Variants in ZNF804B observed in about 807,000 individuals in gnomAD.
The protein encoded by ZNF804B is zinc finger protein 804B, also known as zinc finger 804B.
ZNF804B carries 80 observed loss-of-function variants against 101.4 expected under a neutral mutation model. That is an observed-to-expected ratio of 0.79 (90% CI 0.66 to 0.95). The LOEUF (loss-of-function observed/expected upper bound fraction) is 0.95, where lower values mean the gene tolerates loss of function less well. ZNF804B is among the 40% of genes least tolerant of loss of function. The probability of loss-of-function intolerance (pLI) is 0.00; values close to 1 mark genes in which losing one functional copy is unlikely to be tolerated. For synonymous variants in ZNF804B, 622 were observed against 558.8 expected, an observed-to-expected ratio of 1.11 and a Z score of -1.59; for missense variants, 1,673 against 1,561.9, an observed-to-expected ratio of 1.07 and a Z score of -1.20.
chr7:89,076,099 G>A (rs1413344808), intron 1 of ZNF804B, among the ~76,000 whole-genome samples: 5 of 152,170 alleles, frequency 3.3e-5, no homozygotes, highest in Non-Finnish European at 5.9e-5. Context: ...TATGATGTTG[G>A]ACTGTGGACT....
intron 1 of ZNF804B, among the ~76,000 whole-genome samples, chr7:89,088,422 C>T (rs1320986298): frequency 6.6e-6 from 1 of 151,554 alleles, no homozygotes; most frequent in Non-Finnish European, 1.5e-5. Context: ...CAAGTTATTG[C>T]TTATTTGTGA....
At chr7:89,022,285 T>C (rs1788679294) in intron 1 of ZNF804B, among the ~76,000 whole-genome samples, 1 of 152,212 alleles carries the variant, frequency 6.6e-6, no homozygotes, top group African/African-American at 2.4e-5. Context: ...ATGGGGAGGA[T>C]GAGTGTCATG....
At chr7:88,797,173 T>C (rs1790499096) in intron 1 of ZNF804B, among the ~76,000 whole-genome samples, 2 of 152,132 alleles carry the variant, frequency 1.3e-5, no homozygotes, top group South Asian at 4.1e-4. Context: ...TATTATTTGT[T>C]CATGTTTCAT....
At chr7:89,227,639 A>G (rs1789115694) in intron 2 of ZNF804B, among the ~76,000 whole-genome samples, 1 of 152,212 alleles carries the variant, frequency 6.6e-6, no homozygotes, top group Admixed American at 6.5e-5. Flanking sequence ...AAAGACCTTA[A>G]TTAAACAGCA....
Position 88,902,139 on chromosome 7 carries a change from A to G in ZNF804B, c.108+142055A>G, listed in dbSNP as rs75505266. The stretch of plus-strand genomic sequence containing the variant: ...TTCTCTTTAGTTTGGGGGACTCACA[A>G]AGACTTTCTTGACTAAGCCACATAC... On this transcript the variant is annotated intron_variant, in intron 1 of 3. Coordinates refer to ENST00000333190, the MANE Select transcript of ZNF804B (RefSeq NM_181646.5). Among the ~76,000 whole-genome samples, 22 of 152,096 alleles carry G rather than the reference A, an allele frequency of 1.4e-4. No homozygotes were observed. In the East Asian group the frequency reaches 4.1e-3, roughly 28 times the overall value.
At chr7:88,976,605 G>A (rs191770907) in intron 1 of ZNF804B, among the ~76,000 whole-genome samples, 1 of 151,592 alleles carries the variant, frequency 6.6e-6, no homozygotes, top group East Asian at 1.9e-4. Context: ...CAACTCTACT[G>A]AATTTATTAG....
In ZNF804B at chr7:89,333,831, C is replaced by A; in HGVS notation, c.849C>A (p.Ile283=). Residue 283 remains isoleucine (I), a synonymous_variant, in exon 4 of 4, where the codon ATC becomes ATA. Coordinates refer to ENST00000333190, the MANE Select transcript of ZNF804B (RefSeq NM_181646.5). ...TTACCAAGGAAAAAGAGGTAAATATCTCACCAAGCCATCTGGAAAGTGTTT... is the reference window on the plus strand; with the variant it reads ...TTACCAAGGAAAAAGAGGTAAATATATCACCAAGCCATCTGGAAAGTGTTT... ...THLTKEKEVN[I]SPSHLESVLH... is the part of the protein sequence containing the mutation. 2 of 1,613,266 alleles carry A rather than the reference C, an allele frequency of 1.2e-6. No homozygotes were observed. The highest frequency in any genetic ancestry group is 1.7e-6 in the Non-Finnish European group (2 of 1,179,668).
Position 88,857,692 on chromosome 7 carries a change from G to A in ZNF804B, c.108+97608G>A, listed in dbSNP as rs1003405399. Among the ~76,000 whole-genome samples the A allele has an allele frequency of 7.9e-5, 12 of 152,168 alleles. No individual in the cohort carries two copies. In the East Asian group the frequency reaches 1.9e-3, roughly 24 times the overall value. ...CTCATTCTACCAGAGGTACAAGGAGGAGCTGGTACCATAACTGCTGAAAGT... is the reference window on the plus strand; with the variant it reads ...CTCATTCTACCAGAGGTACAAGGAGAAGCTGGTACCATAACTGCTGAAAGT... On this transcript the variant is annotated intron_variant, in intron 1 of 3. Transcript: ENST00000333190.
chr7:89,090,051 A>G (rs1231521503), intron 1 of ZNF804B, among the ~76,000 whole-genome samples: 1 of 152,130 alleles, frequency 6.6e-6, no homozygotes, highest in Non-Finnish European at 1.5e-5. Context: ...TGTGAAACAC[A>G]ATAGGAAAAT....
At chr7:89,218,791 T>A (rs1788934724) in intron 2 of ZNF804B, among the ~76,000 whole-genome samples, 1 of 152,120 alleles carries the variant, frequency 6.6e-6, no homozygotes, top group Non-Finnish European at 1.5e-5. Flanking sequence ...GAAAATGTTA[T>A]TAAGAAAATA....
intron 1 of ZNF804B, among the ~76,000 whole-genome samples, chr7:89,138,192 A>G (rs536365736): frequency 1.3e-5 from 2 of 152,194 alleles, no homozygotes; most frequent in South Asian, 2.1e-4. Context: ...CAGAAGGGAA[A>G]TGTGGGATCA....
intron 2 of ZNF804B, among the ~76,000 whole-genome samples, chr7:89,296,961 A>G (rs1790393372): frequency 6.6e-6 from 1 of 152,094 alleles, no homozygotes; most frequent in Admixed American, 6.6e-5. Context: ...ACTGAGTCAA[A>G]TATGACTACT....
intron 2 of ZNF804B, among the ~76,000 whole-genome samples, chr7:89,224,712 A>ATGTGTGTGTGTG (rs56064065): frequency 6.2e-5 from 9 of 144,074 alleles, no homozygotes; most frequent in African/African-American, 1.8e-4. Context: ...CTGGCAAAGT[A>ATGTGTGTGTGTG]TGTGTGTGTG....
At chr7:88,783,925 T>C (rs1418930691) in intron 1 of ZNF804B, among the ~76,000 whole-genome samples, 1 of 152,204 alleles carries the variant, frequency 6.6e-6, no homozygotes, top group East Asian at 1.9e-4. Context: ...GTTTAATGAA[T>C]ATACATTTAA....
intron 1 of ZNF804B, among the ~76,000 whole-genome samples, chr7:88,768,072 T>G (rs1296050985): frequency 6.6e-6 from 1 of 152,192 alleles, no homozygotes; most frequent in Non-Finnish European, 1.5e-5. Context: ...CTTATTTTAC[T>G]CAATAAATAT....
intron 1 of ZNF804B, among the ~76,000 whole-genome samples, chr7:88,925,554 G>T (rs942044350): frequency 6.6e-6 from 1 of 152,158 alleles, no homozygotes; most frequent in Non-Finnish European, 1.5e-5. Context: ...GTGGTCATCT[G>T]CAAGCCATGG....
intron 1 of ZNF804B, among the ~76,000 whole-genome samples, chr7:88,968,978 C>T (rs950484858): frequency 6.6e-6 from 1 of 151,458 alleles, no homozygotes; most frequent in Non-Finnish European, 1.5e-5. Flanking sequence ...TATATTAACT[C>T]TTTATCAGAT....
chr7:88,779,697 T>C (rs1290504972), intron 1 of ZNF804B, among the ~76,000 whole-genome samples: 1 of 152,204 alleles, frequency 6.6e-6, no homozygotes, highest in Non-Finnish European at 1.5e-5. Context: ...ATTCCAGGGC[T>C]TTCAAATTAC....
intron 1 of ZNF804B, among the ~76,000 whole-genome samples, chr7:89,069,662 T>G (rs1256795496): frequency 6.6e-6 from 1 of 152,170 alleles, no homozygotes; most frequent in African/African-American, 2.4e-5. Flanking sequence ...GCATTATGTT[T>G]GGAACTGTAT....
Sources: allele counts gnomAD v4.1 joint callset (sites outside exome capture counted in the v4.1 genomes callset), GRCh38; gene constraint gnomAD v4.1.1; transcripts MANE v1.5; gene names NCBI Gene and HGNC (gene_info 2026-07-23, HGNC 2026-07-21).